CCNJ: variants seen among roughly 807,000 people sequenced by gnomAD.
CCNJ encodes the protein cyclin J.
Under a neutral mutation model 41.4 loss-of-function variants are expected in CCNJ, and 12 were observed. The observed-to-expected ratio is 0.29, with a 90% CI of 0.19 to 0.47. The LOEUF (loss-of-function observed/expected upper bound fraction) is 0.47. CCNJ is among the 20% of genes least tolerant of loss of function. The pLI, the probability that CCNJ is intolerant of heterozygous loss-of-function variation, is 1.00. For synonymous variants in CCNJ, 161 were observed against 173.4 expected, an observed-to-expected ratio of 0.93 and a Z score of 0.56; for missense variants, 340 against 464.6, an observed-to-expected ratio of 0.73 and a Z score of 2.47.
At chr10:96,045,590 A>G (rs1028785192) in intron 2 of CCNJ, among the ~76,000 whole-genome samples, 2 of 152,182 alleles carry the variant, frequency 1.3e-5, no homozygotes, top group Non-Finnish European at 2.9e-5. Flanking sequence ...GATGGTTTAT[A>G]CCACATAAAA....
intron 2 of CCNJ, among the ~76,000 whole-genome samples, chr10:96,049,540 T>G (rs534974985): frequency 1.7e-4 from 26 of 150,908 alleles, no homozygotes; most frequent in African/African-American, 6.1e-4. Flanking sequence ...CGTATCCCTG[T>G]TACTTCTTCT....
chr10:96,058,787 T>A lies in CCNJ; in HGVS notation c.*546T>A, dbSNP rs41291599. 12,014 of 297,664 alleles carry A rather than the reference T, an allele frequency of 0.04. 375 individuals are homozygous for A. The highest frequency in any genetic ancestry group is 0.11 in the South Asian group (697 of 6,116). 18.4% of individuals were successfully genotyped at this position (297,664 alleles called of 1,614,324 possible). A position where few individuals can be genotyped will look rare whatever the true frequency, so the allele number is the denominator to read the frequency against. On this transcript the variant is annotated 3_prime_UTR_variant, in exon 6 of 6. Coordinates refer to ENST00000465148, the MANE Select transcript of CCNJ (RefSeq NM_001134375.2). ...CTATACCAATCTGCAGTAAAAAAAA[T>A]TTTTTTAGATGATTCTATATAACTT...
intron 3 of CCNJ, among the ~76,000 whole-genome samples, chr10:96,054,157 A>G (rs2080611862): frequency 6.6e-6 from 1 of 152,038 alleles, no homozygotes; most frequent in South Asian, 2.1e-4. Flanking sequence ...CTAATTCTTT[A>G]TTTTCTGGGA....
rs376892413 is a variant in CCNJ, at chr10:96,059,212, A to G, written c.*971A>G. ...TTAAAAAGTTATTTCAAGGGATGGC[A>G]TAACTGTAAGAGGTCAGTGCTAGAA... On this transcript the variant is annotated 3_prime_UTR_variant, in exon 6 of 6. Coordinates refer to ENST00000465148, the MANE Select transcript of CCNJ (RefSeq NM_001134375.2). 3 of 152,688 alleles carry G rather than the reference A, an allele frequency of 2.0e-5. No homozygotes were observed. The highest frequency in any genetic ancestry group is 1.3e-4 in the Admixed American group (2 of 15,278). 9.5% of individuals were successfully genotyped at this position (152,688 alleles called of 1,614,324 possible). A position where few individuals can be genotyped will look rare whatever the true frequency, so the allele number is the denominator to read the frequency against.
intron 3 of CCNJ, among the ~76,000 whole-genome samples, chr10:96,051,155 C>T (rs1219946904): frequency 6.6e-6 from 1 of 152,230 alleles, no homozygotes; most frequent in Admixed American, 6.5e-5. Context: ...ATGCATTAGA[C>T]CAACTGTGTA....
At chr10:96,057,059 CCT>C in intron 4 of CCNJ, 27 bp from the exon 5 acceptor site, 6 of 1,613,706 alleles carry the variant, frequency 3.7e-6, no homozygotes, top group Non-Finnish European at 4.2e-6. Flanking sequence ...GTATTCTGTT[CCT>C]TAAGTTCATT....
chr10:96,049,445 T>C (rs2080455624), intron 2 of CCNJ, among the ~76,000 whole-genome samples: 1 of 151,576 alleles, frequency 6.6e-6, no homozygotes, highest in African/African-American at 2.4e-5. Flanking sequence ...GTTTTTAATT[T>C]TGTTAAAGTC....
chr10:96,058,636 CCAAA>C lies in CCNJ; in HGVS notation c.*398_*401del, dbSNP rs2080756107. On this transcript the variant is annotated 3_prime_UTR_variant, in exon 6 of 6. Coordinates refer to ENST00000465148, the MANE Select transcript of CCNJ (RefSeq NM_001134375.2). ...AATGTTTATCTCATCTATGGACTTG[CCAAA>C]CAGTCTTTTATGAAGGAAAGTTACA... is the stretch of plus-strand genomic sequence containing the variant. 2 of 401,960 alleles carry C rather than the reference CCAAA, an allele frequency of 5.0e-6. No individual in the cohort carries two copies. Among genetic ancestry groups the C allele is most frequent in the Admixed American group, 8.5e-5 (2 of 23,500 alleles). The allele number at this position is 401,960 out of a possible 1,614,324, so 24.9% of individuals were successfully genotyped here. A position where few individuals can be genotyped will look rare whatever the true frequency, so the allele number is the denominator to read the frequency against.
At position 96,050,275 on chromosome 10, in the gene CCNJ, A is replaced by G; in HGVS notation, c.89A>G (p.Tyr30Cys). The change falls in exon 3 of 6, where the codon TAT (tyrosine) becomes TGT (cysteine). Residue 30 changes from tyrosine (Y) to cysteine (C), a missense_variant. Physicochemically the swap from Tyr to Cys is radical, Grantham distance 194 (BLOSUM62 -2). Transcript: ENST00000465148. ...LRYKELKLPS[Y>C]KGQSPQLSLR... ...ACTTAGGAGCTGAAGTTGCCCTCCT[A>G]TAAAGGCCAGTCCCCTCAGTTAAGT... 2.5e-6 allele frequency: 4 copies of G among 1,613,988 alleles called. No homozygotes were observed. Among genetic ancestry groups the G allele is most frequent in the Non-Finnish European group, 3.4e-6 (4 of 1,179,888 alleles).
intron 2 of CCNJ, among the ~76,000 whole-genome samples, chr10:96,047,742 TTTTG>T (rs1380040136): frequency 8.5e-5 from 13 of 152,230 alleles, no homozygotes; most frequent in Admixed American, 7.2e-4. Context: ...AACTTCCCTT[TTTTG>T]TTTATCGTAA....
At chr10:96,045,693 T>A (rs947713743) in intron 2 of CCNJ, among the ~76,000 whole-genome samples, 2 of 152,186 alleles carry the variant, frequency 1.3e-5, no homozygotes, top group Non-Finnish European at 2.9e-5. Context: ...TTTTTTTTTT[T>A]TGGCAGATGT....
At chr10:96,053,968 T>C (rs910357951) in intron 3 of CCNJ, among the ~76,000 whole-genome samples, 2 of 152,156 alleles carry the variant, frequency 1.3e-5, no homozygotes, top group Admixed American at 1.3e-4. Context: ...AATAAAAAAA[T>C]AGAATGTGGG....
chr10:96,046,074 CTTTG>C (rs1392703874), intron 2 of CCNJ, among the ~76,000 whole-genome samples: 10 of 151,502 alleles, frequency 6.6e-5, no homozygotes, highest in East Asian at 3.9e-4. Flanking sequence ...GACATGGGTT[CTTTG>C]TTTTTTTGTT....
At chr10:96,046,705 C>T (rs1342393288) in intron 2 of CCNJ, among the ~76,000 whole-genome samples, 3 of 152,218 alleles carry the variant, frequency 2.0e-5, no homozygotes, top group African/African-American at 7.2e-5. Flanking sequence ...GTGTGACTAG[C>T]ATTGTGTTTA....
chr10:96,049,110 T>TTG (rs1158829782), intron 2 of CCNJ, among the ~76,000 whole-genome samples: 1 of 152,230 alleles, frequency 6.6e-6, no homozygotes, highest in Non-Finnish European at 1.5e-5. Flanking sequence ...TTGTTTTGTT[T>TTG]TGTTTTTTGA....
chr10:96,055,390 T>C (rs2080653907), intron 3 of CCNJ, among the ~76,000 whole-genome samples: 1 of 152,242 alleles, frequency 6.6e-6, no homozygotes. Context: ...GCTTTAGTTA[T>C]AATTTCCTTT....
Position 96,058,846 on chromosome 10 carries a change from A to G in CCNJ, c.*605A>G. 4.9e-6 allele frequency: 1 copy of G among 203,212 alleles called. No homozygotes were observed. The highest frequency in any genetic ancestry group is 9.8e-6 in the Non-Finnish European group (1 of 102,382). 12.6% of individuals were successfully genotyped at this position (203,212 alleles called of 1,614,324 possible). A position where few individuals can be genotyped will look rare whatever the true frequency, so the allele number is the denominator to read the frequency against. On this transcript the variant is annotated 3_prime_UTR_variant, in exon 6 of 6. Transcript: ENST00000465148. Reference sequence around the variant, plus strand: ...AAATAGTGTAGGTATCTGGGTTTATATACTAAAATTAAGGGTGGAGAAGAT... The same window carrying G: ...AAATAGTGTAGGTATCTGGGTTTATGTACTAAAATTAAGGGTGGAGAAGAT...
chr10:96,044,619 G>A (rs1590985099), intron 2 of CCNJ, among the ~76,000 whole-genome samples, 157 bp downstream of exon 2: 1 of 152,192 alleles, frequency 6.6e-6, no homozygotes, highest in South Asian at 2.1e-4. Flanking sequence ...TAACTTCTTG[G>A]CTCCTTCTCT....
intron 2 of CCNJ, among the ~76,000 whole-genome samples, chr10:96,049,656 G>T (rs1428646544): frequency 3.3e-5 from 5 of 151,582 alleles, no homozygotes; most frequent in Admixed American, 3.3e-4. Context: ...TAATAGTATA[G>T]AATTTTTCCA....
Sources: allele counts gnomAD v4.1 joint callset (sites outside exome capture counted in the v4.1 genomes callset), GRCh38; gene constraint gnomAD v4.1.1; transcripts MANE v1.5; gene names NCBI Gene and HGNC (gene_info 2026-07-23, HGNC 2026-07-21).